SDCCAG8: variants seen among roughly 807,000 people sequenced by gnomAD.
SDCCAG8 encodes SHH signaling and ciliogenesis regulator SDCCAG8, also known as serologically defined colon cancer antigen 8.
A neutral mutation model predicts 101.8 loss-of-function variants in SDCCAG8; 74 were observed. That is an observed-to-expected ratio of 0.73 (90% CI 0.60 to 0.88). The LOEUF is 0.88. SDCCAG8 is among the 40% of genes least tolerant of loss of function. The pLI, the probability that SDCCAG8 is intolerant of heterozygous loss-of-function variation, is 0.00. For missense variants in SDCCAG8, 787 were observed against 822.6 expected, an observed-to-expected ratio of 0.96 and a Z score of 0.53; for synonymous variants, 281 against 292.9, an observed-to-expected ratio of 0.96 and a Z score of 0.41.
chr1:243,269,681 C>T (rs1341850668), intron 1 of SDCCAG8, among the ~76,000 whole-genome samples: 1 of 152,214 alleles, frequency 6.6e-6, no homozygotes, highest in African/African-American at 2.4e-5. Flanking sequence ...GGGTGTGACG[C>T]AGTCCCTTTT....
intron 12 of SDCCAG8, among the ~76,000 whole-genome samples, chr1:243,360,556 G>T (rs1204593745): frequency 6.6e-6 from 1 of 151,880 alleles, no homozygotes; most frequent in East Asian, 2.0e-4. Context: ...AGGTGAGGTA[G>T]CTCACTCCTG....
chr1:243,494,045 G>T (rs977654131), intron 17 of SDCCAG8, among the ~76,000 whole-genome samples: 1 of 152,058 alleles, frequency 6.6e-6, no homozygotes, highest in African/African-American at 2.4e-5. Context: ...TGGGGGCCTC[G>T]CCCAGCTGAC....
At chr1:243,409,583 G>C (rs2080024716) in intron 13 of SDCCAG8, among the ~76,000 whole-genome samples, 1 of 152,078 alleles carries the variant, frequency 6.6e-6, no homozygotes, top group Non-Finnish European at 1.5e-5. Flanking sequence ...TTCCAAGACT[G>C]GTACAAGGAC....
intron 12 of SDCCAG8, among the ~76,000 whole-genome samples, chr1:243,350,555 C>T (rs750633766): frequency 1.3e-5 from 2 of 152,114 alleles, no homozygotes; most frequent in Non-Finnish European, 2.9e-5. Flanking sequence ...AATATAAAAG[C>T]AATAAAGAAA....
chr1:243,343,520 A>G (rs2075508676), intron 11 of SDCCAG8, among the ~76,000 whole-genome samples: 1 of 152,226 alleles, frequency 6.6e-6, no homozygotes, highest in African/African-American at 2.4e-5. Flanking sequence ...ATGTGTGTTC[A>G]TTATTGGTGC....
At position 243,273,355 on chromosome 1, in the gene SDCCAG8, T is replaced by G. The variant is rs527510928; in HGVS notation, c.307-1188T>G. Among the ~76,000 whole-genome samples, 3 of 152,274 alleles carry G rather than the reference T, an allele frequency of 2.0e-5. No homozygotes were observed. The South Asian group carries it at 6.2e-4, about 32-fold the overall frequency. On this transcript the variant is annotated intron_variant, in intron 3 of 17. Coordinates refer to ENST00000366541, the MANE Select transcript of SDCCAG8 (RefSeq NM_006642.5). Reference sequence around the variant, plus strand: ...ACCCTTGTTTTACCTTTTCCTGATTTCCTCATCCTTTAAAAAAAAAATTAT... The same window carrying G: ...ACCCTTGTTTTACCTTTTCCTGATTGCCTCATCCTTTAAAAAAAAAATTAT...
intron 1 of SDCCAG8, among the ~76,000 whole-genome samples, chr1:243,266,033 A>G (rs2067558501): frequency 6.6e-6 from 1 of 152,176 alleles, no homozygotes; most frequent in Admixed American, 6.5e-5. Flanking sequence ...AAAACGCAAC[A>G]AAAATTTTTT....
At chr1:243,408,825 G>T (rs902108874) in intron 13 of SDCCAG8, among the ~76,000 whole-genome samples, 2 of 152,282 alleles carry the variant, frequency 1.3e-5, no homozygotes, top group Non-Finnish European at 2.9e-5. Flanking sequence ...TTAAATAAAA[G>T]AATGCATGTA....
chr1:243,264,125 C>T (rs958363354), intron 1 of SDCCAG8, among the ~76,000 whole-genome samples: 1 of 152,148 alleles, frequency 6.6e-6, no homozygotes, highest in South Asian at 2.1e-4. Context: ...CTCCCTGTCA[C>T]CAGGGCAATT....
At chr1:243,316,641 T>C (rs1176701642) in intron 8 of SDCCAG8, 114 bp from the exon 9 acceptor site, 4 of 1,283,522 alleles carry the variant, frequency 3.1e-6, no homozygotes, top group Middle Eastern at 1.9e-4. Flanking sequence ...TCATATGTGC[T>C]CAGCCGGCCT....
In SDCCAG8 at chr1:243,498,689, T is replaced by G. The variant is rs545669183; in HGVS notation, c.2113-1067T>G. Among the ~76,000 whole-genome samples, 44 of 152,370 alleles carry G rather than the reference T, an allele frequency of 2.9e-4. 1 individual carries two copies. The highest frequency in any genetic ancestry group is 9.6e-4 in the African/African-American group (40 of 41,584). ...TCATATATTTCTCTTGAATGCGGAT[T>G]CAGTTTCACTCATTGCCCTGTCTTG... On this transcript the variant is annotated intron_variant, in intron 17 of 17. Transcript: ENST00000366541.
At chr1:243,300,511 G>C (rs77827181) in intron 6 of SDCCAG8, among the ~76,000 whole-genome samples, 3,263 of 152,240 alleles carry the variant, frequency 0.021, 51 homozygotes, top group Non-Finnish European at 0.032. Context: ...CTTCTAGAGG[G>C]AAAGTGCAGG....
intron 12 of SDCCAG8, among the ~76,000 whole-genome samples, chr1:243,356,576 A>T (rs2076397843): frequency 6.6e-6 from 1 of 152,194 alleles, no homozygotes; most frequent in East Asian, 1.9e-4. Context: ...ATGACCACCT[A>T]TCCATCAGTA....
chr1:243,436,829 A>G (rs1330884367), intron 16 of SDCCAG8, among the ~76,000 whole-genome samples: 1 of 152,196 alleles, frequency 6.6e-6, no homozygotes, highest in African/African-American at 2.4e-5. Context: ...TGCTACACCC[A>G]TGTTAGCATT....
intron 13 of SDCCAG8, among the ~76,000 whole-genome samples, chr1:243,415,123 G>T (rs1320355355): frequency 6.6e-6 from 1 of 152,050 alleles, no homozygotes; most frequent in Non-Finnish European, 1.5e-5. Flanking sequence ...AAGTGCTGGG[G>T]GAAGTTATTC....
chr1:243,278,493 AC>A (rs1377726176), intron 4 of SDCCAG8, among the ~76,000 whole-genome samples: 1 of 152,218 alleles, frequency 6.6e-6, no homozygotes, highest in African/African-American at 2.4e-5. Flanking sequence ...TGCTGGGATT[AC>A]AGGCATGAGC....
At chr1:243,471,872 C>G (rs1482439808) in intron 16 of SDCCAG8, among the ~76,000 whole-genome samples, 1 of 152,154 alleles carries the variant, frequency 6.6e-6, no homozygotes, top group Non-Finnish European at 1.5e-5. Flanking sequence ...CCTCAGGATT[C>G]TACTCTCTAA....
intron 5 of SDCCAG8, among the ~76,000 whole-genome samples, chr1:243,290,760 C>T (rs567303627): frequency 1.3e-5 from 2 of 152,330 alleles, no homozygotes; most frequent in South Asian, 4.1e-4. Flanking sequence ...CAAGATACCA[C>T]ACCAGTGTCA....
chr1:243,499,637 C>T (rs554879199), intron 17 of SDCCAG8, 119 bp from the exon 18 acceptor site: 2 of 805,040 alleles, frequency 2.5e-6, no homozygotes, highest in Non-Finnish European at 4.3e-6. Context: ...TTTTTAGCAA[C>T]AGGTTTTTTT....
Sources: allele counts gnomAD v4.1 joint callset (sites outside exome capture counted in the v4.1 genomes callset), GRCh38; gene constraint gnomAD v4.1.1; transcripts MANE v1.5; gene names NCBI Gene and HGNC (gene_info 2026-07-23, HGNC 2026-07-21).